MYO5B: variants seen among roughly 807,000 people sequenced by gnomAD.
The protein encoded by MYO5B is myosin VB, also known as unconventional myosin-Vb.
A neutral mutation model predicts 229.3 loss-of-function variants in MYO5B; 143 were observed. The observed-to-expected ratio is 0.62, with a 90% CI of 0.54 to 0.72. The LOEUF (loss-of-function observed/expected upper bound fraction) is 0.72. MYO5B is among the 30% of genes least tolerant of loss of function. MYO5B has a pLI of 0.00. For missense variants in MYO5B, 2,321 were observed against 2,331.0 expected, an observed-to-expected ratio of 1.00 and a Z score of 0.09; for synonymous variants, 918 against 885.2, an observed-to-expected ratio of 1.04 and a Z score of -0.66.
chr18:49,937,469 T>C (rs2025264350), intron 14 of MYO5B, 72 bp from the exon 15 acceptor site: 13 of 1,544,126 alleles, frequency 8.4e-6, no homozygotes, highest in Non-Finnish European at 1.2e-5. Context: ...TCAAAGCTGC[T>C]TTTCAACATA....
At chr18:50,029,154 C>T (rs1365031309) in intron 4 of MYO5B, among the ~76,000 whole-genome samples, 2 of 152,146 alleles carry the variant, frequency 1.3e-5, no homozygotes, top group African/African-American at 4.8e-5. Context: ...TAGACACAAA[C>T]AATAATACCA....
At position 50,171,034 on chromosome 18, in the gene MYO5B, C is replaced by T. The variant is rs2032913951; in HGVS notation, c.27+23733G>A. On this transcript the variant is annotated intron_variant, in intron 1 of 39. Transcript: ENST00000285039. Reference sequence around the variant, plus strand: ...TCTCTCCTTGCAGCTAGCATCCCCTCAGCTAGTATTTGCCAGGCCCTCAAA... The same window carrying T: ...TCTCTCCTTGCAGCTAGCATCCCCTTAGCTAGTATTTGCCAGGCCCTCAAA... Among the ~76,000 whole-genome samples, 5 of 126,976 alleles carry T rather than the reference C, an allele frequency of 3.9e-5. 2 individuals are homozygous for T. In the Admixed American group the frequency reaches 4.2e-4, roughly 11 times the overall value. The allele number at this position is 126,976 out of a possible 152,430, so 83.3% of individuals were successfully genotyped here. A position where few individuals can be genotyped will look rare whatever the true frequency, so the allele number is the denominator to read the frequency against.
chr18:49,867,715 G>T (rs991750828), intron 27 of MYO5B, among the ~76,000 whole-genome samples: 2 of 151,980 alleles, frequency 1.3e-5, no homozygotes, highest in Admixed American at 1.3e-4. Context: ...TTTGAATAAG[G>T]GTTCATTGAA....
At chr18:49,925,442 T>C (rs989769117) in intron 17 of MYO5B, among the ~76,000 whole-genome samples, 3 of 152,208 alleles carry the variant, frequency 2.0e-5, no homozygotes, top group Non-Finnish European at 4.4e-5. Context: ...CTTGGACACA[T>C]GTTCTAAGGA....
chr18:50,088,113 C>T (rs994760598), intron 1 of MYO5B, among the ~76,000 whole-genome samples: 5 of 152,134 alleles, frequency 3.3e-5, no homozygotes, highest in African/African-American at 9.7e-5. Context: ...TGACACACAG[C>T]GGCAGGACCG....
chr18:50,155,037 C>G (rs2144310320), intron 1 of MYO5B, among the ~76,000 whole-genome samples: 1 of 152,360 alleles, frequency 6.6e-6, no homozygotes, highest in African/African-American at 2.4e-5. Flanking sequence ...AACTCTTCTT[C>G]TAGTGGTTTT....
Position 49,920,515 on chromosome 18 carries a change from C to T in MYO5B, c.2091-8342G>A, listed in dbSNP as rs11876190. Among the ~76,000 whole-genome samples, 880 of 152,222 alleles carry T rather than the reference C, an allele frequency of 5.8e-3. 15 individuals are homozygous for T. Among genetic ancestry groups the T allele is most frequent in the African/African-American group, 0.02 (848 of 41,532 alleles). On this transcript the variant is annotated intron_variant, in intron 17 of 39. Transcript: ENST00000285039. ...CTATGTCCTGGGCCTCCTAGGGGAA[C>T]ACAGACTCAGCCCCATTAGTGGCCC...
chr18:49,948,877 TTG>T (rs2025403076), intron 14 of MYO5B, among the ~76,000 whole-genome samples: 1 of 152,196 alleles, frequency 6.6e-6, no homozygotes, highest in Non-Finnish European at 1.5e-5. Context: ...TCTGGTGAAT[TTG>T]TATTTTATTT....
At chr18:50,052,942 G>A (rs1464543529) in intron 2 of MYO5B, among the ~76,000 whole-genome samples, 6 of 152,176 alleles carry the variant, frequency 3.9e-5, no homozygotes, top group African/African-American at 1.4e-4. Context: ...ATCCTTTGCT[G>A]ATGCAGTGAA....
intron 12 of MYO5B, among the ~76,000 whole-genome samples, chr18:49,954,765 G>A (rs1049067366): frequency 6.6e-6 from 1 of 152,118 alleles, no homozygotes; most frequent in Non-Finnish European, 1.5e-5. Context: ...CCACCTGAAG[G>A]TACTTCCCTG....
chr18:49,905,141 G>A (rs1180033088), intron 19 of MYO5B, among the ~76,000 whole-genome samples: 3 of 152,170 alleles, frequency 2.0e-5, no homozygotes, highest in Admixed American at 1.3e-4. Flanking sequence ...TGCCTGGGCA[G>A]TCCTCAACTA....
chr18:49,956,516 G>C (rs2025494166), intron 12 of MYO5B, among the ~76,000 whole-genome samples: 1 of 152,228 alleles, frequency 6.6e-6, no homozygotes. Context: ...GAACAAGGTA[G>C]AAGGTGCTTA....
chr18:50,112,289 AGCAACT>A (rs1568111333), intron 1 of MYO5B, among the ~76,000 whole-genome samples: 1 of 152,204 alleles, frequency 6.6e-6, no homozygotes, highest in African/African-American at 2.4e-5. Context: ...GAACCAACAA[AGCAACT>A]GCATCACGGC....
chr18:50,001,907 A>T (rs112893784), intron 4 of MYO5B, among the ~76,000 whole-genome samples: 25,563 of 152,082 alleles, frequency 0.17, 2,426 homozygotes, highest in East Asian at 0.26. Context: ...ATGGTGGCAC[A>T]CGCCTGTAGT....
intron 1 of MYO5B, among the ~76,000 whole-genome samples, chr18:50,105,156 G>A (rs17660048): frequency 0.011 from 1,705 of 151,098 alleles, 17 homozygotes; most frequent in Non-Finnish European, 0.018. Context: ...AAAAGACCGG[G>A]ACCAGTCACT....
chr18:50,086,457 A>G (rs1367452437), intron 1 of MYO5B, among the ~76,000 whole-genome samples: 1 of 152,202 alleles, frequency 6.6e-6, no homozygotes, highest in Non-Finnish European at 1.5e-5. Flanking sequence ...GATCTGGCTT[A>G]CTCATTTCAG....
rs529388805 is a variant in MYO5B, at chr18:49,916,062, G to T, written c.2091-3889C>A. Among the ~76,000 whole-genome samples, 17 of 152,302 alleles carry T rather than the reference G, an allele frequency of 1.1e-4. No individual in the cohort carries two copies. The South Asian group carries it at 3.3e-3, about 30-fold the overall frequency. ...AGGTGCGGGCTCCCCCTTTAAAGCTGCCCTGCCCTTTCCTTCCGTGTGTCT... is the reference window on the plus strand; with the variant it reads ...AGGTGCGGGCTCCCCCTTTAAAGCTTCCCTGCCCTTTCCTTCCGTGTGTCT... On this transcript the variant is annotated intron_variant, in intron 17 of 39. Coordinates refer to ENST00000285039, the MANE Select transcript of MYO5B (RefSeq NM_001080467.3).
At chr18:50,191,338 C>T (rs570834616) in intron 1 of MYO5B, among the ~76,000 whole-genome samples, 1 of 152,304 alleles carries the variant, frequency 6.6e-6, no homozygotes, top group East Asian at 1.9e-4. Flanking sequence ...AGCCCAGCAG[C>T]CCTTAGGGAA....
chr18:50,080,417 G>A (rs1178096469), intron 1 of MYO5B, among the ~76,000 whole-genome samples: 7 of 152,046 alleles, frequency 4.6e-5, no homozygotes, highest in Admixed American at 2.0e-4. Context: ...CTCACTCTAC[G>A]CCAATTTCTC....
Sources: allele counts gnomAD v4.1 joint callset (sites outside exome capture counted in the v4.1 genomes callset), GRCh38; gene constraint gnomAD v4.1.1; transcripts MANE v1.5; gene names NCBI Gene and HGNC (gene_info 2026-07-23, HGNC 2026-07-21).